COL15A1: variants seen among roughly 807,000 people sequenced by gnomAD.
COL15A1 encodes collagen alpha-1(XV) chain.
A neutral mutation model predicts 165.9 loss-of-function variants in COL15A1; 111 were observed. The observed-to-expected ratio is 0.67, with a 90% CI of 0.57 to 0.78. COL15A1 has a LOEUF of 0.78. Ranked by LOEUF, COL15A1 falls within the 30% of genes least tolerant of loss-of-function variation. COL15A1 has a pLI of 0.00. For synonymous variants in COL15A1, 659 were observed against 674.8 expected, an observed-to-expected ratio of 0.98 and a Z score of 0.36; for missense variants, 1,745 against 1,789.7, an observed-to-expected ratio of 0.98 and a Z score of 0.45.
chr9:98,948,029 A>G (rs73653627), intron 2 of COL15A1, among the ~76,000 whole-genome samples: 1,663 of 152,266 alleles, frequency 0.011, 27 homozygotes, highest in African/African-American at 0.038. Flanking sequence ...GTCCTAATTT[A>G]AAATGTTGGG....
rs573694574 is a variant in COL15A1, at chr9:99,004,875, G to A, written c.1201-23G>A. 25 of 1,613,928 alleles carry A rather than the reference G, an allele frequency of 1.5e-5. No individual in the cohort carries two copies. The African/African-American group carries it at 1.9e-4, about 12-fold the overall frequency. On this transcript the variant is annotated intron_variant, in intron 8 of 41. Coordinates refer to ENST00000375001, the MANE Select transcript of COL15A1 (RefSeq NM_001855.5). ...ATCAGCATCATGGGGCACTGACGCG[G>A]TTCCTGTTGACTTTCTATTCAGGGT... is the stretch of plus-strand genomic sequence containing the variant.
rs532288893 is a variant in COL15A1 at position 99,037,786 on chromosome 9, G to A, written c.2410-882G>A. ...TGAGCAGGGATTGGAAAGCTGAGAA[G>A]GATTTTACCAGGTAGGCACGGAGGA... On this transcript the variant is annotated intron_variant, in intron 21 of 41. Transcript: ENST00000375001. Among the ~76,000 whole-genome samples, 63 of 152,276 alleles carry A rather than the reference G, an allele frequency of 4.1e-4. No individual in the cohort carries two copies. In the South Asian group the frequency reaches 0.013, roughly 31 times the overall value.
intron 24 of COL15A1, 75 bp downstream of exon 24, chr9:99,042,182 C>A: frequency 2.9e-6 from 3 of 1,024,492 alleles, no homozygotes; most frequent in African/African-American, 1.6e-5. Context: ...CTGAAAATAG[C>A]TATTAACTTT....
chr9:99,046,470 A>G (rs1839493834), intron 26 of COL15A1, among the ~76,000 whole-genome samples: 1 of 152,200 alleles, frequency 6.6e-6, no homozygotes, highest in African/African-American at 2.4e-5. Context: ...TCACGCTGCT[A>G]TGAAGAAATA....
intron 6 of COL15A1, among the ~76,000 whole-genome samples, chr9:98,997,594 G>C (rs1051977690): frequency 1.3e-5 from 2 of 152,200 alleles, no homozygotes; most frequent in Admixed American, 1.3e-4. Context: ...AACTCTCAGA[G>C]GATCAGCTAA....
In COL15A1 at chr9:98,996,916, C is replaced by A; in HGVS notation, c.805-18C>A. The stretch of plus-strand genomic sequence containing the variant: ...CTGCCAAGTAAATCATTTTGCATCT[C>A]ATTTTTCCTCCCTTCAGCCCAAAGA... On this transcript the variant is annotated intron_variant, in intron 5 of 41. Transcript: ENST00000375001. 1.2e-6 allele frequency: 2 copies of A among 1,610,206 alleles called. No homozygotes were observed. Among genetic ancestry groups the A allele is most frequent in the Non-Finnish European group, 1.7e-6 (2 of 1,176,956 alleles).
chr9:98,964,401 C>G (rs1343320998), intron 2 of COL15A1, among the ~76,000 whole-genome samples: 2 of 152,232 alleles, frequency 1.3e-5, no homozygotes, highest in African/African-American at 4.8e-5. Flanking sequence ...GGGTCACCAT[C>G]TGTTCTGGCT....
At position 99,054,631 on chromosome 9, in the gene COL15A1, C is replaced by A. The variant is rs767907771; in HGVS notation, c.3006C>A (p.Gly1002=). 6.2e-7 allele frequency: 1 copy of A among 1,612,696 alleles called. No individual in the cohort carries two copies. The highest frequency in any genetic ancestry group is 8.5e-7 in the Non-Finnish European group (1 of 1,179,584). ...TTCCTGGCTCAAAGGGAGAAAAAGGCGACCAGGGAGCCCAGGGACCACCAG... is the reference window on the plus strand; with the variant it reads ...TTCCTGGCTCAAAGGGAGAAAAAGGAGACCAGGGAGCCCAGGGACCACCAG... ...WGLPGSKGEK[G]DQGAQGPPGP... is the part of the protein sequence containing the mutation. The change falls in exon 32 of 42, where the codon GGC becomes GGA. Residue 1002 remains glycine, a synonymous_variant. Transcript: ENST00000375001.
At chr9:99,059,771 G>C in intron 35 of COL15A1, 118 bp from the exon 36 acceptor site, 1 of 1,099,616 alleles carries the variant, frequency 9.1e-7, no homozygotes. Flanking sequence ...TGGAAGTTGG[G>C]ATGCTTTGTG....
At chr9:98,989,395 G>A in intron 5 of COL15A1, 137 bp downstream of exon 5, 2 of 698,834 alleles carry the variant, frequency 2.9e-6, no homozygotes, top group Non-Finnish European at 4.7e-6. Flanking sequence ...CATCTGGGGG[G>A]GTCAGGAAAA....
chr9:99,047,763 T>C, intron 26 of COL15A1, 23 bp from the exon 27 acceptor site: 7 of 1,613,714 alleles, frequency 4.3e-6, no homozygotes, highest in Non-Finnish European at 5.9e-6. Flanking sequence ...TCTTTTCTAA[T>C]CTGGCATTTG....
Position 98,944,168 on chromosome 9 carries a change from C to A in COL15A1, c.18C>A (p.Asn6Lys). 1 of 1,614,148 alleles carries A rather than the reference C, an allele frequency of 6.2e-7. No individual in the cohort carries two copies. Among genetic ancestry groups the A allele is most frequent in the Non-Finnish European group, 8.5e-7 (1 of 1,180,000 alleles). Residue 6 changes from asparagine (N) to lysine (K), a missense_variant, in exon 2 of 42, where the codon AAC becomes AAA. Asn to Lys is a moderately conservative substitution (Grantham distance 94). Transcript: ENST00000375001. Reference protein sequence around the residue: MAPRRNNGQCWCLLML... With the variant: MAPRRKNGQCWCLLML... The stretch of plus-strand genomic sequence containing the variant: ...CCTCGGGCACATCTTGCAGGAGGAA[C>A]AACGGGCAGTGCTGGTGTCTGCTGA...
In COL15A1 at chr9:99,004,996, C is replaced by T. The variant is rs779395704; in HGVS notation, c.1299C>T (p.Pro433=). The change falls in exon 9 of 42, where the codon CCC becomes CCT. Residue 433 remains proline, a synonymous_variant. Transcript: ENST00000375001. ...PGEVEASGVA[P]GELDLSMSAQ... ...AAGTGGAGGCCAGTGGTGTGGCCCC[C>T]GGGGAGCTGGACCTCTCCATGTCCG... The T allele has an allele frequency of 6.3e-5, 101 of 1,613,534 alleles. No individual in the cohort carries two copies. The highest frequency in any genetic ancestry group is 6.2e-4 in the East Asian group (28 of 44,870).
At chr9:98,975,320 G>C (rs1352408080) in intron 2 of COL15A1, among the ~76,000 whole-genome samples, 2 of 152,222 alleles carry the variant, frequency 1.3e-5, no homozygotes. Flanking sequence ...CCAAAGCTCA[G>C]GCTAGTCCCG....
intron 9 of COL15A1, among the ~76,000 whole-genome samples, chr9:99,011,330 GTCT>G (rs991461148): frequency 2.4e-5 from 3 of 125,272 alleles, no homozygotes; most frequent in African/African-American, 6.2e-5. Context: ...TTTTTCATCT[GTCT>G]TCTTCTTATG....
At chr9:99,062,436 C>T (rs1825832591) in intron 38 of COL15A1, 132 bp downstream of exon 38, 2 of 719,324 alleles carry the variant, frequency 2.8e-6, no homozygotes, top group East Asian at 5.3e-5. Context: ...TGGTGAAATC[C>T]TAGAAATTAA....
At chr9:98,991,937 T>C (rs1270686166) in intron 5 of COL15A1, among the ~76,000 whole-genome samples, 4 of 152,202 alleles carry the variant, frequency 2.6e-5, no homozygotes, top group Non-Finnish European at 5.9e-5. Context: ...AGAGCACTGA[T>C]TGGTGCATTT....
rs1474160917 is a variant in COL15A1, at chr9:99,000,852, C to T, written c.966C>T (p.Ile322=). The T allele has an allele frequency of 6.4e-7, 1 of 1,570,756 alleles. No individual in the cohort carries two copies. The highest frequency in any genetic ancestry group is 1.7e-4 in the Middle Eastern group (1 of 6,022). The part of the protein sequence containing the change: ...HSSPKQGSGE[I]LNDTLEGVHS... ...TGCTTCCTGTAGGGTCTGGTGAGAT[C>T]CTGAATGACACACTGGAGGGGGTTC... Residue 322 remains isoleucine (I), a synonymous_variant, in exon 7 of 42, where the codon ATC becomes ATT. Coordinates refer to ENST00000375001, the MANE Select transcript of COL15A1 (RefSeq NM_001855.5).
intron 2 of COL15A1, among the ~76,000 whole-genome samples, chr9:98,969,469 G>A (rs1307555577): frequency 1.3e-5 from 2 of 152,180 alleles, no homozygotes; most frequent in Non-Finnish European, 2.9e-5. Context: ...CTAATACCAG[G>A]TTGCTCAGAG....
Sources: gnomAD v4.1 joint callset for allele counts (sites outside exome capture counted in the v4.1 genomes callset) on GRCh38, gnomAD v4.1.1 for gene constraint, MANE v1.5 for transcripts, NCBI Gene and HGNC (gene_info 2026-07-23, HGNC 2026-07-21) for gene names.